The following WDR70 variants were observed in gnomAD, a reference collection of about 807,000 sequenced individuals.
The protein encoded by WDR70 is WD repeat domain 70.
WDR70 carries 53 observed loss-of-function variants against 88.6 expected under a neutral mutation model. That is an observed-to-expected ratio of 0.60 (90% CI 0.48 to 0.75). The LOEUF (loss-of-function observed/expected upper bound fraction) is 0.75, where lower values mean the gene tolerates loss of function less well. Among genes scored for constraint, WDR70 ranks in the 30% least tolerant of loss-of-function variants. WDR70 has a pLI of 0.00. For missense variants in WDR70, 610 were observed against 823.2 expected, an observed-to-expected ratio of 0.74 and a Z score of 3.17; for synonymous variants, 280 against 270.0, an observed-to-expected ratio of 1.04 and a Z score of -0.36.
intron 7 of WDR70, among the ~76,000 whole-genome samples, chr5:37,475,271 T>C (rs530590431): frequency 6.6e-6 from 1 of 151,922 alleles, no homozygotes; most frequent in East Asian, 1.9e-4. Context: ...GTTTCGCTTT[T>C]GTTGCCCAGG....
At chr5:37,663,951 A>T (rs929259466) in intron 10 of WDR70, among the ~76,000 whole-genome samples, 5 of 152,154 alleles carry the variant, frequency 3.3e-5, no homozygotes, top group African/African-American at 9.7e-5. Flanking sequence ...TTTATTTAAC[A>T]AAAGCTTTCT....
At chr5:37,455,863 T>C (rs1217061909) in intron 7 of WDR70, among the ~76,000 whole-genome samples, 2 of 152,108 alleles carry the variant, frequency 1.3e-5, no homozygotes, top group Non-Finnish European at 2.9e-5. Flanking sequence ...TTTAGCCCCT[T>C]TGCAGTCAGT....
intron 17 of WDR70, among the ~76,000 whole-genome samples, chr5:37,736,379 T>A (rs1748305112): frequency 6.6e-6 from 1 of 152,170 alleles, no homozygotes; most frequent in African/African-American, 2.4e-5. Flanking sequence ...CTATAAAGGA[T>A]CCATTTAAAG....
chr5:37,420,344 G>C (rs1295869938), intron 5 of WDR70, among the ~76,000 whole-genome samples: 1 of 152,226 alleles, frequency 6.6e-6, no homozygotes, highest in Non-Finnish European at 1.5e-5. Flanking sequence ...TAGTAACACA[G>C]TGTTTGAAAG....
At chr5:37,501,656 T>A (rs990024761) in intron 8 of WDR70, among the ~76,000 whole-genome samples, 6 of 152,144 alleles carry the variant, frequency 3.9e-5, no homozygotes, top group African/African-American at 1.4e-4. Flanking sequence ...ATTCTTCTGC[T>A]TGTGGCTGTC....
intron 10 of WDR70, among the ~76,000 whole-genome samples, chr5:37,613,048 T>C (rs1744230037): frequency 6.6e-6 from 1 of 152,204 alleles, no homozygotes; most frequent in African/African-American, 2.4e-5. Context: ...ATAATAATGC[T>C]CTTGTAAATA....
intron 13 of WDR70, among the ~76,000 whole-genome samples, chr5:37,714,565 C>G (rs1024400891): frequency 6.6e-6 from 1 of 152,104 alleles, no homozygotes; most frequent in Non-Finnish European, 1.5e-5. Flanking sequence ...ATGAGGGGCT[C>G]CATATCTTGA....
At chr5:37,501,175 T>A (rs1034386899) in intron 8 of WDR70, among the ~76,000 whole-genome samples, 4 of 152,210 alleles carry the variant, frequency 2.6e-5, no homozygotes, top group African/African-American at 9.6e-5. Context: ...GTTGGGCGCA[T>A]AGTTTGCAAA....
intron 10 of WDR70, among the ~76,000 whole-genome samples, chr5:37,624,384 A>T (rs1187622485): frequency 6.6e-6 from 1 of 152,116 alleles, no homozygotes; most frequent in Non-Finnish European, 1.5e-5. Context: ...ATTCTCTTTT[A>T]TGACCGAGTA....
At chr5:37,439,641 T>C (rs967779824) in intron 6 of WDR70, among the ~76,000 whole-genome samples, 4 of 151,604 alleles carry the variant, frequency 2.6e-5, no homozygotes, top group Non-Finnish European at 5.9e-5. Context: ...TTTTTTTTTT[T>C]TGCAATCCTG....
chr5:37,486,536 G>A (rs1276809380), intron 8 of WDR70, among the ~76,000 whole-genome samples: 2 of 151,912 alleles, frequency 1.3e-5, no homozygotes, highest in African/African-American at 2.4e-5. Flanking sequence ...GTAGACACGG[G>A]GTTTCGCCAG....
At chr5:37,673,284 T>C (rs1188032998) in intron 10 of WDR70, among the ~76,000 whole-genome samples, 1 of 152,202 alleles carries the variant, frequency 6.6e-6, no homozygotes. Flanking sequence ...TACCACAGTT[T>C]CTTTATCCAG....
At chr5:37,510,767 G>T (rs1740699866) in intron 8 of WDR70, among the ~76,000 whole-genome samples, 1 of 152,058 alleles carries the variant, frequency 6.6e-6, no homozygotes, top group Admixed American at 6.5e-5. Flanking sequence ...TCCTTTAATT[G>T]GGAATGGCTT....
intron 9 of WDR70, among the ~76,000 whole-genome samples, chr5:37,584,758 A>G (rs147481920): frequency 5.1e-4 from 78 of 152,104 alleles, no homozygotes; most frequent in African/African-American, 1.7e-3. Context: ...TCCAGAAGCC[A>G]TAGTGAGCCC....
intron 9 of WDR70, among the ~76,000 whole-genome samples, chr5:37,604,486 C>T (rs1743974502): frequency 6.6e-6 from 1 of 152,218 alleles, no homozygotes; most frequent in South Asian, 2.1e-4. Flanking sequence ...ACTGTGAGTA[C>T]AAGGGTGTTA....
chr5:37,565,526 A>G (rs969005459), intron 9 of WDR70, among the ~76,000 whole-genome samples: 3 of 152,084 alleles, frequency 2.0e-5, no homozygotes, highest in African/African-American at 4.8e-5. Context: ...GTAGTCATTT[A>G]TCGTTAGAGT....
At chr5:37,604,475 G>T (rs1743974102) in intron 9 of WDR70, among the ~76,000 whole-genome samples, 1 of 152,188 alleles carries the variant, frequency 6.6e-6, no homozygotes, top group Non-Finnish European at 1.5e-5. Context: ...CTTCGCTTAG[G>T]ACTGTGAGTA....
intron 5 of WDR70, among the ~76,000 whole-genome samples, chr5:37,404,038 G>A (rs1749280521): frequency 6.6e-6 from 1 of 152,168 alleles, no homozygotes; most frequent in African/African-American, 2.4e-5. Context: ...TCTGCACCCA[G>A]CTAACCTAGT....
chr5:37,522,080 G>A (rs1208705460), intron 9 of WDR70, among the ~76,000 whole-genome samples: 2 of 151,960 alleles, frequency 1.3e-5, no homozygotes, highest in African/African-American at 2.4e-5. Flanking sequence ...GAGTGAAGGT[G>A]GTATCGCATT....
Sources: gnomAD v4.1 joint callset for allele counts (sites outside exome capture counted in the v4.1 genomes callset) on GRCh38, gnomAD v4.1.1 for gene constraint, MANE v1.5 for transcripts, NCBI Gene and HGNC (gene_info 2026-07-23, HGNC 2026-07-21) for gene names.